F9: variants seen among roughly 807,000 people sequenced by gnomAD.
F9 encodes the protein coagulation factor IX.
Under a neutral mutation model 34.1 loss-of-function variants are expected in F9, and 2 were observed. The observed-to-expected ratio is 0.06, with a 90% CI of 0.02 to 0.18. The LOEUF (loss-of-function observed/expected upper bound fraction) is 0.18, where lower values mean the gene tolerates loss of function less well. Ranked by LOEUF, F9 falls within the 10% of genes least tolerant of loss-of-function variation. The pLI is 1.00. For missense variants in F9, 216 were observed against 345.1 expected (o/e 0.63, Z 2.96); for synonymous variants, 137 against 118.8 (o/e 1.15, Z -1.00).
intron 6 of F9, among the ~76,000 whole-genome samples, chrX:139,552,272 G>A (rs954600140): frequency 8.9e-6 from 1 of 112,128 alleles, no homozygotes; most frequent in African/African-American, 3.2e-5. Flanking sequence ...ACCAAATAAT[G>A]CACTTGTACC....
intron 2 of F9, 75 bp from the exon 3 acceptor site, chrX:139,537,287 G>A: frequency 9.0e-7 from 1 of 1,106,946 alleles, no homozygotes; most frequent in Non-Finnish European, 1.2e-6. Flanking sequence ...TATGTTAAAT[G>A]TTATAAAAGA....
At chrX:139,553,186 T>C (rs1927884661) in intron 6 of F9, among the ~76,000 whole-genome samples, 2 of 111,646 alleles carry the variant, frequency 1.8e-5, no homozygotes, top group South Asian at 7.7e-4. Context: ...CCTTTTTACC[T>C]CCTCTGTTTC....
chrX:139,544,609 A>G, intron 4 of F9: 1 of 111,624 alleles, frequency 9.0e-6, no homozygotes, highest in Non-Finnish European at 1.9e-5. Flanking sequence ...CCAAAACCAT[A>G]CAGTCACTCT....
At chrX:139,558,333 G>A (rs1928017152) in intron 6 of F9, among the ~76,000 whole-genome samples, 2 of 113,428 alleles carry the variant, frequency 1.8e-5, no homozygotes. Context: ...CACCTTGATT[G>A]CCACAGTAGG....
At chrX:139,541,490 G>A (rs1360518315) in intron 4 of F9, among the ~76,000 whole-genome samples, 1 of 111,558 alleles carries the variant, frequency 9.0e-6, no homozygotes, top group East Asian at 2.8e-4. Flanking sequence ...TGAGAAAACC[G>A]CAACTCCAAC....
At chrX:139,532,840 T>C (rs1887706227) in intron 1 of F9, among the ~76,000 whole-genome samples, 1 of 111,986 alleles carries the variant, frequency 8.9e-6, no homozygotes, top group Non-Finnish European at 1.9e-5. Flanking sequence ...TATGGTTCCA[T>C]ATGGACTATG....
intron 4 of F9, among the ~76,000 whole-genome samples, chrX:139,543,104 T>C (rs953971739): frequency 9.1e-6 from 1 of 109,671 alleles, no homozygotes; most frequent in African/African-American, 3.3e-5. Flanking sequence ...ATAGCACAGT[T>C]TATGGGGCAT....
chrX:139,535,201 A>G (rs1263035884), intron 1 of F9, among the ~76,000 whole-genome samples: 1 of 111,222 alleles, frequency 9.0e-6, no homozygotes, highest in Non-Finnish European at 1.9e-5. Flanking sequence ...TTTACTAAAA[A>G]TACAAAAATT....
At chrX:139,545,183 A>G (rs1026805045) in intron 4 of F9, 4 of 111,817 alleles carry the variant, frequency 3.6e-5, no homozygotes, top group Admixed American at 9.5e-5. Flanking sequence ...CAAACTTTCC[A>G]TGTTATGATT....
At position 139,551,215 on chromosome X, in the gene F9, C is replaced by T. The variant is rs146871691; in HGVS notation, c.674C>T (p.Thr225Ile). ...AGCACCCAATCATTTAATGACTTCA[C>T]TCGGGTTGTTGGTGGAGAAGATGCC... ...TQSTQSFNDF[T>I]RVVGGEDAKP... The change falls in exon 6 of 8, where the codon ACT becomes ATT. Residue 225 changes from threonine to isoleucine, a missense_variant. Transcript: ENST00000218099. 8.3e-7 allele frequency: 1 copy of T among 1,209,485 alleles called. No individual in the cohort carries two copies. The highest frequency in any genetic ancestry group is 1.1e-6 in the Non-Finnish European group (1 of 895,129).
intron 4 of F9, chrX:139,547,434 AGTGAGACAAGATAT>A (rs1248147813): frequency 7.2e-5 from 8 of 111,525 alleles, no homozygotes; most frequent in Non-Finnish European, 1.5e-4. Flanking sequence ...CAAGTCACAG[AGTGAGACAAGATAT>A]CTGCAATACA....
intron 1 of F9, among the ~76,000 whole-genome samples, chrX:139,531,662 A>G (rs1167374563): frequency 8.9e-6 from 1 of 112,271 alleles, no homozygotes; most frequent in Non-Finnish European, 1.9e-5. Flanking sequence ...GGAAGAAATT[A>G]TCCCATTTGG....
At chrX:139,533,270 C>G (rs1239884636) in intron 1 of F9, among the ~76,000 whole-genome samples, 1 of 112,213 alleles carries the variant, frequency 8.9e-6, no homozygotes, top group Non-Finnish European at 1.9e-5. Context: ...AGAACTGGCT[C>G]TTTAGTCTGA....
At chrX:139,532,084 G>T (rs192188292) in intron 1 of F9, among the ~76,000 whole-genome samples, 32 of 111,961 alleles carry the variant, frequency 2.9e-4, no homozygotes, top group Admixed American at 2.7e-3. Context: ...GACTTCAGAT[G>T]CTGGGGAAAG....
chrX:139,545,715 A>AT (rs1412140548), intron 4 of F9, among the ~76,000 whole-genome samples: 4 of 110,815 alleles, frequency 3.6e-5, no homozygotes, highest in South Asian at 7.6e-4. Flanking sequence ...AAGACAAGAG[A>AT]TTTTTTTTAT....
At chrX:139,533,348 C>G (rs751951482) in intron 1 of F9, among the ~76,000 whole-genome samples, 2 of 111,942 alleles carry the variant, frequency 1.8e-5, no homozygotes, top group East Asian at 5.6e-4. Context: ...CTCTATGAAT[C>G]TATCTTCCTC....
At chrX:139,545,226 T>C (rs1927689006) in intron 4 of F9, 1 of 112,103 alleles carries the variant, frequency 8.9e-6, no homozygotes, top group Admixed American at 9.5e-5. Context: ...ATTGAAAGTT[T>C]TACTGTTGTC....
rs375190291 is a variant in F9 at position 139,560,704 on chromosome X, G to A, written c.724-37G>A. The A allele has an allele frequency of 3.5e-5, 33 of 946,411 alleles. 1 individual carries two copies. Among genetic ancestry groups the A allele is most frequent in the Non-Finnish European group, 4.4e-5 (29 of 655,247 alleles). The allele number at this position is 946,411 out of a possible 1,213,427, so 78.0% of individuals were successfully genotyped here. Reference sequence around the variant, plus strand: ...ATATTTATTTTTTTCTAGATCAAATGTATTATGCAGTAAGAGTCTTAATTT... The same window carrying A: ...ATATTTATTTTTTTCTAGATCAAATATATTATGCAGTAAGAGTCTTAATTT... On this transcript the variant is annotated intron_variant, in intron 6 of 7. Coordinates refer to ENST00000218099, the MANE Select transcript of F9 (RefSeq NM_000133.4).
At chrX:139,536,303 AGAG>A (rs1927475407) in intron 1 of F9, among the ~76,000 whole-genome samples, 1 of 107,816 alleles carries the variant, frequency 9.3e-6, no homozygotes, top group African/African-American at 3.4e-5. Context: ...AGAGAGAGAG[AGAG>A]GAGAGGAGAG....
Sources: gnomAD v4.1 joint callset for allele counts (sites outside exome capture counted in the v4.1 genomes callset) on GRCh38, gnomAD v4.1.1 for gene constraint, MANE v1.5 for transcripts, NCBI Gene and HGNC (gene_info 2026-07-23, HGNC 2026-07-21) for gene names.